SP140: variants seen among roughly 807,000 people sequenced by gnomAD.
SP140 encodes nuclear body protein SP140.
Under a neutral mutation model 125.0 loss-of-function variants are expected in SP140, and 81 were observed. The ratio of observed to expected loss-of-function variants is 0.65; its 90% CI spans 0.54 to 0.78. SP140 has a LOEUF of 0.78. Ranked by LOEUF, SP140 falls within the 30% of genes least tolerant of loss-of-function variation. The pLI is 0.00. For missense variants in SP140, 858 were observed against 1,037.0 expected (o/e 0.83, Z 2.37); for synonymous variants, 312 against 354.0 (o/e 0.88, Z 1.33).
chr2:230,251,091 G>A (rs767341059), intron 10 of SP140, 30 bp downstream of exon 10: 3 of 1,581,116 alleles, frequency 1.9e-6, no homozygotes, highest in African/African-American at 1.3e-5. Flanking sequence ...CTGGCCCTGG[G>A]CTGCAGAGTG....
chr2:230,202,811 T>G, upstream of SP140: 1 of 1,312,054 alleles, frequency 7.6e-7, no homozygotes, highest in East Asian at 2.3e-5. Flanking sequence ...ACTTCCCTTC[T>G]CATGCCCCTA....
intron 18 of SP140, among the ~76,000 whole-genome samples, chr2:230,288,455 A>ATCTTTCTTTCTTTCTTTCTTTCTTTCTT (rs34638665): frequency 1.6e-5 from 2 of 123,522 alleles, no homozygotes; most frequent in Non-Finnish European, 3.4e-5. Flanking sequence ...TAGGCCAACT[A>ATCTTTCTTTCTTTCTTTCTTTCTTTCTT]TCTTTCTTTC....
At chr2:230,242,774 A>G (rs1281598444) in intron 4 of SP140, among the ~76,000 whole-genome samples, 3 of 152,106 alleles carry the variant, frequency 2.0e-5, no homozygotes, top group Admixed American at 6.5e-5. Context: ...TATGCAGCCA[A>G]TGTAATCATT....
In SP140 at chr2:230,233,065, C is replaced by A. The variant is rs375561982; in HGVS notation, c.60-4018C>A. ...TGGTAGCTTAATCTGTTTTAAATATCTTGTTGCTTATGGATTTTTTATTTT... is the reference window on the plus strand; with the variant it reads ...TGGTAGCTTAATCTGTTTTAAATATATTGTTGCTTATGGATTTTTTATTTT... On this transcript the variant is annotated intron_variant, in intron 1 of 26. Transcript: ENST00000392045. 2.6e-5 allele frequency among the ~76,000 whole-genome samples: 4 copies of A among 152,126 alleles called. No individual in the cohort carries two copies. The East Asian group carries it at 5.8e-4, about 22-fold the overall frequency.
chr2:230,201,006 A>T (rs41309108), upstream of SP140: 173,673 of 1,472,944 alleles, frequency 0.12, 12,884 homozygotes, highest in South Asian at 0.26. Flanking sequence ...CTTGGGAAAC[A>T]CCATGGAGAA....
chr2:230,261,419 A>G (rs1336447853), intron 12 of SP140, among the ~76,000 whole-genome samples: 1 of 152,002 alleles, frequency 6.6e-6, no homozygotes, highest in Admixed American at 6.6e-5. Context: ...TTGACTTCCT[A>G]TTTACCAATT....
At chr2:230,206,595 T>TTTTATATA (rs1317441117) in intron 1 of SP140, among the ~76,000 whole-genome samples, 3 of 70,530 alleles carry the variant, frequency 4.3e-5, no homozygotes, top group Non-Finnish European at 5.7e-5. Context: ...GGTCCAGATT[T>TTTTATATA]TATATATATA....
At chr2:230,302,835 G>A (rs1336542591) in intron 22 of SP140, among the ~76,000 whole-genome samples, 1 of 152,016 alleles carries the variant, frequency 6.6e-6, no homozygotes, top group Non-Finnish European at 1.5e-5. Context: ...AAATCAAGAT[G>A]GAAATGAAAA....
intron 13 of SP140, 65 bp downstream of exon 13, chr2:230,269,683 A>C (rs1210850951): frequency 8.5e-7 from 1 of 1,169,916 alleles, no homozygotes; most frequent in Non-Finnish European, 1.2e-6. Context: ...AAGGAGGAGA[A>C]AAAATAGACT....
the SP140 span, among the ~76,000 whole-genome samples, chr2:230,197,057 C>T: frequency 1.8e-4 from 28 of 152,266 alleles, no homozygotes; most frequent in Admixed American, 8.5e-4. Flanking sequence ...GGTATATACC[C>T]GGTAATGGGA....
At chr2:230,287,696 G>A (rs1462001956) in intron 17 of SP140, among the ~76,000 whole-genome samples, 196 bp from the exon 18 acceptor site, 1 of 152,026 alleles carries the variant, frequency 6.6e-6, no homozygotes, top group Non-Finnish European at 1.5e-5. Context: ...CATAAGAATA[G>A]GAAAATGAAA....
chr2:230,310,757 G>A lies in SP140; in HGVS notation c.2189G>A (p.Cys730Tyr). ...CAATCTCTCAGGACCCCGTGGAATT[G>A]CATCTTCTGCAGGATGAAGGAGTCT... ...PVEAERTPWN[C>Y]IFCRMKESPG... The change falls in exon 24 of 27, where the codon TGC becomes TAC. Residue 730 changes from cysteine to tyrosine, a missense_variant. Cys to Tyr is a radical substitution (Grantham distance 194, BLOSUM62 -2). Coordinates refer to ENST00000392045, the MANE Select transcript of SP140 (RefSeq NM_007237.5). 6.5e-7 allele frequency: 1 copy of A among 1,531,622 alleles called. No individual in the cohort carries two copies. The highest frequency in any genetic ancestry group is 8.9e-7 in the Non-Finnish European group (1 of 1,128,016). The allele number at this position is 1,531,622 out of a possible 1,614,324, so 94.9% of individuals were successfully genotyped here.
At chr2:230,201,216 C>T (rs2043154664), upstream of SP140, among the ~76,000 whole-genome samples, 2 of 152,222 alleles carry the variant, frequency 1.3e-5, no homozygotes, top group Non-Finnish European at 2.9e-5. Context: ...CAGTGGGGTG[C>T]AGCCATCTGA....
At chr2:230,200,135 T>A (rs1009908910), upstream of SP140, among the ~76,000 whole-genome samples, 2 of 152,136 alleles carry the variant, frequency 1.3e-5, no homozygotes, top group Admixed American at 1.3e-4. Flanking sequence ...TAATTTAGAT[T>A]TTAAGGTGGT....
At chr2:230,200,854 T>G, upstream of SP140, 1 of 1,490,054 alleles carries the variant, frequency 6.7e-7, no homozygotes, top group Non-Finnish European at 9.4e-7. Context: ...CTGGTGACTG[T>G]ACTCTGAGAC....
At chr2:230,186,425 G>C in the SP140 span, among the ~76,000 whole-genome samples, 8 of 152,220 alleles carry the variant, frequency 5.3e-5, no homozygotes, top group African/African-American at 1.9e-4. Context: ...ACAGATACCT[G>C]GCCCACACCT....
chr2:230,237,549 T>C lies in SP140; in HGVS notation c.237+289T>C. Reference sequence around the variant, plus strand: ...ACAATCTACTAATGGTAGCCATAATTAAAATAAATAAGTGACCTAGGCAGC... The same window carrying C: ...ACAATCTACTAATGGTAGCCATAATCAAAATAAATAAGTGACCTAGGCAGC... On this transcript the variant is annotated intron_variant, in intron 2 of 26. Transcript: ENST00000392045. This position sits in a 1 kb window ranked among gnomAD's most constrained non-coding sequence, Gnocchi z 5.4. 4.0e-6 allele frequency: 1 copy of C among 248,444 alleles called. No individual in the cohort carries two copies. Among genetic ancestry groups the C allele is most frequent in the Non-Finnish European group, 7.6e-6 (1 of 131,284 alleles). 15.4% of individuals were successfully genotyped at this position (248,444 alleles called of 1,614,324 possible).
intron 9 of SP140, among the ~76,000 whole-genome samples, chr2:230,249,561 C>T (rs778428673): frequency 2.0e-5 from 3 of 151,548 alleles, no homozygotes. Flanking sequence ...AAGATAAAAC[C>T]CAAAGAAACA....
At position 230,245,912 on chromosome 2, in the gene SP140, G is replaced by C. The variant is rs949760079; in HGVS notation, c.714G>C (p.Met238Ile). The C allele has an allele frequency of 6.2e-7, 1 of 1,605,264 alleles. No homozygotes were observed. The highest frequency in any genetic ancestry group is 8.5e-7 in the Non-Finnish European group (1 of 1,172,162). The change falls in exon 7 of 27, where the codon ATG (methionine) becomes ATC (isoleucine). Residue 238 changes from methionine (M) to isoleucine (I), a missense_variant. Around this residue, in one of 4 missense-constraint regions of SP140, gnomAD observed 791 missense variants for 869.5 expected, o/e 0.91. Coordinates refer to ENST00000392045, the MANE Select transcript of SP140 (RefSeq NM_007237.5). ...TAGATGAAGGAGAATCAGAAGAAAT[G>C]CCCAAGTTACTGCCTTATGATACAG... ...IQIDEGESEE[M>I]PKLLPYDTEV...
Sources: gnomAD v4.1 joint callset for allele counts (sites outside exome capture counted in the v4.1 genomes callset) on GRCh38, gnomAD v4.1.1 for gene constraint, gnomAD v4.1.1 regional missense constraint, Gnocchi (gnomAD v3.1) non-coding constraint, MANE v1.5 for transcripts, NCBI Gene and HGNC (gene_info 2026-07-23, HGNC 2026-07-21) for gene names.